INSYN1: variants seen among roughly 807,000 people sequenced by gnomAD.
The protein encoded by INSYN1 is UPF0583 protein C15orf59.
Under a neutral mutation model 17.1 loss-of-function variants are expected in INSYN1, and 7 were observed. That is an observed-to-expected ratio of 0.41 (90% confidence interval 0.23 to 0.77). The LOEUF is 0.77. Ranked by LOEUF, INSYN1 falls within the 30% of genes least tolerant of loss-of-function variation. The pLI is 0.32. For missense variants in INSYN1, 339 were observed against 400.6 expected (o/e 0.85, Z 1.31); for synonymous variants, 174 against 166.3 (o/e 1.05, Z -0.36).
chr15:73,750,684 G>C lies in INSYN1; in HGVS notation c.156+291C>G, dbSNP rs559989684. 1.4e-4 allele frequency among the ~76,000 whole-genome samples: 21 copies of C among 152,292 alleles called. No individual in the cohort carries two copies. In the South Asian group the frequency reaches 4.1e-3, roughly 30 times the overall value. On this transcript the variant is annotated intron_variant, in intron 2 of 2. Transcript: ENST00000569673. Reference sequence around the variant, plus strand: ...CACTAAGAAGCTGTGGCGGGATTCAGTCCTTACTGGCCATCTTGGCAGCCC... The same window carrying C: ...CACTAAGAAGCTGTGGCGGGATTCACTCCTTACTGGCCATCTTGGCAGCCC...
At chr15:73,747,792 G>C (rs1280644217) in intron 2 of INSYN1, among the ~76,000 whole-genome samples, 1 of 152,196 alleles carries the variant, frequency 6.6e-6, no homozygotes, top group Non-Finnish European at 1.5e-5. Flanking sequence ...AACCTGCTGG[G>C]ACTGGCCCGG....
rs199857451 is a variant in INSYN1 at position 73,736,603 on chromosome 15, CA to C, written c.*3313del. On this transcript the variant is annotated 3_prime_UTR_variant, in exon 3 of 3. Coordinates refer to ENST00000569673, the MANE Select transcript of INSYN1 (RefSeq NM_001039614.3). The stretch of plus-strand genomic sequence containing the variant: ...AAGACTCCATCTCAAAAAAACAAAA[CA>C]AAAAAAAATTGGCCAGGCGTAGTGG... 8 of 148,930 alleles carry C rather than the reference CA, an allele frequency of 5.4e-5. No individual in the cohort carries two copies. The highest frequency in any genetic ancestry group is 2.0e-4 in the Admixed American group (3 of 14,936). The allele number at this position is 148,930 out of a possible 1,614,324, so 9.2% of individuals were successfully genotyped here. A position where few individuals can be genotyped will look rare whatever the true frequency, so the allele number is the denominator to read the frequency against.
chr15:73,742,585 C>G (rs2141465772), intron 2 of INSYN1, among the ~76,000 whole-genome samples: 1 of 152,270 alleles, frequency 6.6e-6, no homozygotes, highest in Admixed American at 6.5e-5. Context: ...GAATCTCCCC[C>G]TGCGGCCCCC....
Position 73,736,603 on chromosome 15 carries a change from C to T in INSYN1, c.*3314G>A, listed in dbSNP as rs1042420200. The T allele has an allele frequency of 3.4e-5, 5 of 148,930 alleles. No homozygotes were observed. The highest frequency in any genetic ancestry group is 5.9e-5 in the Non-Finnish European group (4 of 67,334). 9.2% of individuals were successfully genotyped at this position (148,930 alleles called of 1,614,324 possible). ...AAGACTCCATCTCAAAAAAACAAAA[C>T]AAAAAAAAATTGGCCAGGCGTAGTG... On this transcript the variant is annotated 3_prime_UTR_variant, in exon 3 of 3. Transcript: ENST00000569673.
At position 73,752,790 on chromosome 15, in the gene INSYN1, G is replaced by A. The variant is rs1465903917; in HGVS notation, c.-1248C>T. On this transcript the variant is annotated 5_prime_UTR_variant, in exon 1 of 3. Coordinates refer to ENST00000569673, the MANE Select transcript of INSYN1 (RefSeq NM_001039614.3). The surrounding 1 kb of genome is among the most constrained non-coding windows in gnomAD (Gnocchi z 5.2). ...GTCCGGAATCCACCGGGTCCCCGAG[G>A]AGGGGCGATGTCAGCCGCGGGGACC... 3.3e-5 allele frequency: 5 copies of A among 151,842 alleles called. No homozygotes were observed. Among genetic ancestry groups the A allele is most frequent in the African/African-American group, 1.2e-4 (5 of 41,484 alleles). The allele number at this position is 151,842 out of a possible 1,614,324, so 9.4% of individuals were successfully genotyped here.
At position 73,750,925 on chromosome 15, in the gene INSYN1, CAAG is replaced by C. The variant is rs747050520; in HGVS notation, c.156+47_156+49del. ...TATGAGTACGTTTTTGTGCCAAACC[CAAG>C]AAGGTTGGCTTAGGGTCTGTCTGGT... On this transcript the variant is annotated intron_variant, in intron 2 of 2. Transcript: ENST00000569673. 2.5e-6 allele frequency: 4 copies of C among 1,607,804 alleles called. No homozygotes were observed. The African/African-American group carries it at 5.3e-5, about 21-fold the overall frequency.
At chr15:73,745,479 C>T (rs998344016) in intron 2 of INSYN1, among the ~76,000 whole-genome samples, 4 of 152,226 alleles carry the variant, frequency 2.6e-5, no homozygotes, top group African/African-American at 9.6e-5. Context: ...TGCACCTCTC[C>T]TGAAAATGTT....
At chr15:73,745,840 A>AAAACAAAACAAAACAAAACAAAAC (rs1567036549) in intron 2 of INSYN1, among the ~76,000 whole-genome samples, 4 of 32,030 alleles carry the variant, frequency 1.2e-4, no homozygotes, top group Non-Finnish European at 2.7e-4. Context: ...CAAAACAAAA[A>AAAACAAAACAAAACAAAACAAAAC]AACTGCTGGG....
Position 73,751,380 on chromosome 15 carries a change from G to C in INSYN1, c.-250C>G, listed in dbSNP as rs1345711303. 9.7e-6 allele frequency: 5 copies of C among 516,270 alleles called. No individual in the cohort carries two copies. The highest frequency in any genetic ancestry group is 1.8e-5 in the Non-Finnish European group (5 of 284,854). 32.0% of individuals were successfully genotyped at this position (516,270 alleles called of 1,614,324 possible). A position where few individuals can be genotyped will look rare whatever the true frequency, so the allele number is the denominator to read the frequency against. The stretch of plus-strand genomic sequence containing the variant: ...AGGGGGTCAAGGTGAGGACACAGGA[G>C]AGGAGGGGGAGGGACCTTGGGTCCC... On this transcript the variant is annotated 5_prime_UTR_variant, in exon 2 of 3. Transcript: ENST00000569673.
In INSYN1 at chr15:73,750,933, T is replaced by C. The variant is rs116258173; in HGVS notation, c.156+42A>G. The C allele has an allele frequency of 2.5e-6, 4 of 1,610,440 alleles. No individual in the cohort carries two copies. In the South Asian group the frequency reaches 3.3e-5, roughly 13 times the overall value. ...CGTTTTTGTGCCAAACCCAAGAAGG[T>C]TGGCTTAGGGTCTGTCTGGTCCCTC... On this transcript the variant is annotated intron_variant, in intron 2 of 2. Transcript: ENST00000569673.
chr15:73,751,274 C>T lies in INSYN1; in HGVS notation c.-144G>A. 1 of 899,756 alleles carries T rather than the reference C, an allele frequency of 1.1e-6. No individual in the cohort carries two copies. Among genetic ancestry groups the T allele is most frequent in the Non-Finnish European group, 1.7e-6 (1 of 594,082 alleles). 55.7% of individuals were successfully genotyped at this position (899,756 alleles called of 1,614,324 possible). ...CACCCTGGCCCTGGGCGGCCCTCAA[C>T]CAGCCCCTGCCCCCTGCCACCCAGC... On this transcript the variant is annotated 5_prime_UTR_variant, in exon 2 of 3. Transcript: ENST00000569673.
intron 2 of INSYN1, among the ~76,000 whole-genome samples, chr15:73,746,664 T>C (rs894256149): frequency 6.6e-6 from 1 of 152,152 alleles, no homozygotes; most frequent in Non-Finnish European, 1.5e-5. Flanking sequence ...TCCTGAGGTG[T>C]TTGGGCCAAA....
intron 2 of INSYN1, among the ~76,000 whole-genome samples, chr15:73,741,937 G>A (rs1237639957): frequency 6.6e-6 from 1 of 152,236 alleles, no homozygotes; most frequent in African/African-American, 2.4e-5. Context: ...TGGCCAGAGT[G>A]GCTTGGGCCA....
At position 73,737,870 on chromosome 15, in the gene INSYN1, C is replaced by A. The variant is rs189031060; in HGVS notation, c.*2047G>T. On this transcript the variant is annotated 3_prime_UTR_variant, in exon 3 of 3. Transcript: ENST00000569673. ...TAATTGAAATATGCAACAGGGAGGC[C>A]CCCAAGGAGCGATGTCTTTGCTGTG... The A allele has an allele frequency of 4.6e-5, 7 of 152,320 alleles. No individual in the cohort carries two copies. Among genetic ancestry groups the A allele is most frequent in the Non-Finnish European group, 7.3e-5 (5 of 68,074 alleles). 9.4% of individuals were successfully genotyped at this position (152,320 alleles called of 1,614,324 possible). A position where few individuals can be genotyped will look rare whatever the true frequency, so the allele number is the denominator to read the frequency against.
Position 73,740,332 on chromosome 15 carries a change from G to T in INSYN1, c.467C>A (p.Thr156Asn). The T allele has an allele frequency of 1.2e-6, 2 of 1,609,888 alleles. No homozygotes were observed. Among genetic ancestry groups the T allele is most frequent in the East Asian group, 2.2e-5 (1 of 44,850 alleles). ...GGCCTCCTCACTGGAGGAGTCTGGG[G>T]TCTCCACTCGTGGCCCATTGGGGAT... ...TPIPNGPRVE[T>N]PDSSSEEAFG... is the part of the protein sequence containing the mutation. The change falls in exon 3 of 3, where the codon ACC (threonine) becomes AAC (asparagine). Residue 156 changes from threonine (T) to asparagine (N), a missense_variant. Transcript: ENST00000569673.
chr15:73,745,810 A>AAAACAAAACAAAACAAAACAAAACAAAAC (rs1555422877), intron 2 of INSYN1, among the ~76,000 whole-genome samples: 29 of 149,918 alleles, frequency 1.9e-4, no homozygotes, highest in African/African-American at 6.4e-4. Flanking sequence ...CTCCGTCTCA[A>AAAACAAAACAAAACAAAACAAAACAAAAC]AAAACAAAAC....
At position 73,740,489 on chromosome 15, in the gene INSYN1, C is replaced by T. The variant is rs781567799; in HGVS notation, c.310G>A (p.Asp104Asn). 79 of 1,613,886 alleles carry T rather than the reference C, an allele frequency of 4.9e-5. No individual in the cohort carries two copies. The highest frequency in any genetic ancestry group is 6.0e-5 in the Non-Finnish European group (71 of 1,180,042). ...AACTCCCAGCTGTCTGAGAGGATAT[C>T]GGCTGTCATGAAGTCCAGGTGGCCC... ...DLGHLDFMTA[D>N]ILSDSWEFCS... Residue 104 changes from aspartate (D) to asparagine (N), a missense_variant, in exon 3 of 3, where the codon GAT (aspartate) becomes AAT (asparagine). Physicochemically the swap from Asp to Asn is conservative, Grantham distance 23. Coordinates refer to ENST00000569673, the MANE Select transcript of INSYN1 (RefSeq NM_001039614.3).
intron 2 of INSYN1, among the ~76,000 whole-genome samples, chr15:73,745,072 G>A (rs946280392): frequency 2.0e-5 from 3 of 152,020 alleles, no homozygotes; most frequent in Non-Finnish European, 4.4e-5. Context: ...CAGCCTTAGC[G>A]CCCCTCGCTG....
Position 73,752,991 on chromosome 15 carries a change from C to T in INSYN1, c.-1449G>A, listed in dbSNP as rs1231240884. ...GGGAGGGGAGGGGGCGAGCGGCGGG[C>T]CGGGCCGGGCCGGGGCGCACTAGGC... is the stretch of plus-strand genomic sequence containing the variant. On this transcript the variant is annotated 5_prime_UTR_variant, in exon 1 of 3. Transcript: ENST00000569673. This position sits in a 1 kb window ranked among gnomAD's most constrained non-coding sequence, Gnocchi z 5.2. Among the ~76,000 whole-genome samples the T allele has an allele frequency of 6.7e-6, 1 of 149,942 alleles. No homozygotes were observed. The highest frequency in any genetic ancestry group is 2.0e-4 in the East Asian group (1 of 4,976).
Sources: allele counts gnomAD v4.1 joint callset (sites outside exome capture counted in the v4.1 genomes callset), GRCh38; gene constraint gnomAD v4.1.1; non-coding constraint Gnocchi (gnomAD v3.1); transcripts MANE v1.5; gene names NCBI Gene and HGNC (gene_info 2026-07-23, HGNC 2026-07-21).